Variants in CCDC102B observed in about 807,000 individuals in gnomAD.
The protein encoded by CCDC102B is coiled-coil domain containing 102B.
A neutral mutation model predicts 57.4 loss-of-function variants in CCDC102B; 75 were observed. The ratio of observed to expected loss-of-function variants is 1.31; its 90% confidence interval spans 1.08 to 1.58. CCDC102B has a LOEUF of 1.58. Among genes scored for constraint, CCDC102B ranks in the 40% most tolerant of loss-of-function variants. CCDC102B has a pLI of 0.00. For missense variants in CCDC102B, 636 were observed against 582.6 expected (o/e 1.09, Z -0.94); for synonymous variants, 206 against 201.9 (o/e 1.02, Z -0.17).
In CCDC102B at chr18:68,825,029, C is replaced by G. The variant is rs1294968115; in HGVS notation, c.-15-11720C>G. Among the ~76,000 whole-genome samples the G allele has an allele frequency of 3.3e-5, 5 of 152,108 alleles. No homozygotes were observed. The East Asian group carries it at 9.6e-4, about 29-fold the overall frequency. On this transcript the variant is annotated intron_variant, in intron 1 of 7. Coordinates refer to ENST00000360242, the MANE Select transcript of CCDC102B (RefSeq NM_024781.3). ...GAAAATTCTCTGTCTCTTTTTCTTT[C>G]TCTTTTATCTTTCTCTCTTTCTTGC... is the stretch of plus-strand genomic sequence containing the variant.
chr18:69,014,709 TG>T (rs1019075103), intron 7 of CCDC102B, among the ~76,000 whole-genome samples: 11 of 151,246 alleles, frequency 7.3e-5, no homozygotes, highest in East Asian at 1.9e-4. Context: ...GTGTTTTTTT[TG>T]TGTGTGTGTG....
At chr18:68,871,764 A>T (rs1472792179) in intron 4 of CCDC102B, among the ~76,000 whole-genome samples, 1 of 152,148 alleles carries the variant, frequency 6.6e-6, no homozygotes, top group African/African-American at 2.4e-5. Flanking sequence ...TCATGTGGAT[A>T]ATAAGGACTT....
At chr18:68,830,884 G>A (rs1032523230) in intron 1 of CCDC102B, among the ~76,000 whole-genome samples, 1 of 151,696 alleles carries the variant, frequency 6.6e-6, no homozygotes, top group Non-Finnish European at 1.5e-5. Flanking sequence ...CACCATAAAG[G>A]CTTCAAGTTG....
intron 2 of CCDC102B, among the ~76,000 whole-genome samples, chr18:68,785,076 T>C (rs2035151688): frequency 6.7e-6 from 1 of 149,846 alleles, no homozygotes; most frequent in Non-Finnish European, 1.5e-5. Context: ...GAATATGCGG[T>C]GTTTGGTTTT....
At chr18:68,999,664 A>C (rs1235540918) in intron 6 of CCDC102B, among the ~76,000 whole-genome samples, 1 of 151,974 alleles carries the variant, frequency 6.6e-6, no homozygotes, top group African/African-American at 2.4e-5. Context: ...TTCTGGGGTA[A>C]GTTTTATGAC....
At chr18:68,740,551 G>A (rs1246023051) in intron 2 of CCDC102B, among the ~76,000 whole-genome samples, 2 of 152,198 alleles carry the variant, frequency 1.3e-5, no homozygotes, top group African/African-American at 2.4e-5. Flanking sequence ...ATTGACATAT[G>A]ATGGAATAGG....
At chr18:68,884,345 G>A (rs952676527) in intron 5 of CCDC102B, among the ~76,000 whole-genome samples, 1 of 152,068 alleles carries the variant, frequency 6.6e-6, no homozygotes, top group Non-Finnish European at 1.5e-5. Context: ...AATAAAGAAT[G>A]GGATTATGTA....
intron 2 of CCDC102B, among the ~76,000 whole-genome samples, chr18:68,725,929 G>A (rs774690907): frequency 2.6e-5 from 4 of 152,138 alleles, no homozygotes; most frequent in African/African-American, 9.7e-5. Context: ...GGGAACCAAG[G>A]CCTTGTACAG....
At chr18:68,930,016 T>C (rs1437868028) in intron 6 of CCDC102B, among the ~76,000 whole-genome samples, 1 of 151,574 alleles carries the variant, frequency 6.6e-6, no homozygotes, top group Non-Finnish European at 1.5e-5. Context: ...AGATTTTTGT[T>C]TGTGTGTTTT....
At chr18:68,748,236 G>GTA (rs2033706279) in intron 2 of CCDC102B, among the ~76,000 whole-genome samples, 3 of 151,288 alleles carry the variant, frequency 2.0e-5, no homozygotes, top group African/African-American at 7.3e-5. Flanking sequence ...GTGTGTGTGT[G>GTA]TGTGTGTGTG....
chr18:68,759,221 A>G (rs2034168072), intron 2 of CCDC102B, among the ~76,000 whole-genome samples: 2 of 152,104 alleles, frequency 1.3e-5, no homozygotes, highest in Non-Finnish European at 2.9e-5. Flanking sequence ...TTACCAGTCC[A>G]GGATGTTTAC....
chr18:68,892,422 C>G (rs1301610223), intron 5 of CCDC102B, among the ~76,000 whole-genome samples: 1 of 152,162 alleles, frequency 6.6e-6, no homozygotes, highest in Non-Finnish European at 1.5e-5. Context: ...TGCACCATCC[C>G]CATCTGACTC....
At chr18:68,869,159 T>C (rs2039130685) in intron 4 of CCDC102B, among the ~76,000 whole-genome samples, 1 of 152,072 alleles carries the variant, frequency 6.6e-6, no homozygotes, top group Admixed American at 6.5e-5. Flanking sequence ...TGGAAGTGTT[T>C]GGTAGGATTT....
chr18:68,889,484 G>A (rs2040000598), intron 5 of CCDC102B, among the ~76,000 whole-genome samples: 1 of 152,074 alleles, frequency 6.6e-6, no homozygotes, highest in Admixed American at 6.6e-5. Context: ...CAATGGTGCA[G>A]TCTCAGCTCA....
intron 6 of CCDC102B, among the ~76,000 whole-genome samples, chr18:68,907,854 G>C (rs2040701517): frequency 6.6e-6 from 1 of 152,200 alleles, no homozygotes; most frequent in East Asian, 1.9e-4. Context: ...AGGCACGCTT[G>C]TATTGGGGCT....
chr18:68,977,606 A>AT (rs2050473704), intron 6 of CCDC102B, among the ~76,000 whole-genome samples: 1 of 150,956 alleles, frequency 6.6e-6, no homozygotes, highest in African/African-American at 2.4e-5. Context: ...TCTTTTTCTG[A>AT]TTTTATAGGT....
chr18:68,897,768 A>C lies in CCDC102B; in HGVS notation c.1263+340A>C, dbSNP rs1312055817. 2.8e-5 allele frequency: 16 copies of C among 567,090 alleles called. No individual in the cohort carries two copies. In the East Asian group the frequency reaches 1.0e-3, roughly 37 times the overall value. 35.1% of individuals were successfully genotyped at this position (567,090 alleles called of 1,614,324 possible). On this transcript the variant is annotated intron_variant, in intron 6 of 7. Coordinates refer to ENST00000360242, the MANE Select transcript of CCDC102B (RefSeq NM_024781.3). Reference sequence around the variant, plus strand: ...AAGCTAATGATCTTATTTCCAATAAAGATTTTTTCATTAATTCAAGCGACT... The same window carrying C: ...AAGCTAATGATCTTATTTCCAATAACGATTTTTTCATTAATTCAAGCGACT...
chr18:68,805,450 A>G (rs1378455204), intron 1 of CCDC102B, among the ~76,000 whole-genome samples: 2 of 152,172 alleles, frequency 1.3e-5, no homozygotes, highest in African/African-American at 2.4e-5. Context: ...ATTCACTGAC[A>G]TTAGAGTTTC....
intron 6 of CCDC102B, among the ~76,000 whole-genome samples, chr18:68,953,602 T>C (rs930979734): frequency 5.3e-5 from 8 of 152,116 alleles, no homozygotes; most frequent in Non-Finnish European, 1.2e-4. Flanking sequence ...AAATTAACTC[T>C]TTCAATGAGT....
Sources: allele counts gnomAD v4.1 joint callset (sites outside exome capture counted in the v4.1 genomes callset), GRCh38; gene constraint gnomAD v4.1.1; transcripts MANE v1.5; gene names NCBI Gene and HGNC (gene_info 2026-07-23, HGNC 2026-07-21).